GRM7: variants seen among roughly 807,000 people sequenced by gnomAD.
GRM7 encodes glutamate metabotropic receptor 7.
A neutral mutation model predicts 84.5 loss-of-function variants in GRM7; 35 were observed. The observed-to-expected ratio is 0.41, with a 90% confidence interval of 0.32 to 0.55. The LOEUF (loss-of-function observed/expected upper bound fraction) is 0.55. Among genes scored for constraint, GRM7 ranks in the 20% least tolerant of loss-of-function variants. The probability of loss-of-function intolerance (pLI) is 0.19; values close to 1 mark genes in which losing one functional copy is unlikely to be tolerated. For synonymous variants in GRM7, 487 were observed against 455.1 expected (o/e 1.07, Z -0.89); for missense variants, 1,003 against 1,194.6 (o/e 0.84, Z 2.36).
chr3:6,970,027 C>T (rs1057503386), intron 1 of GRM7, among the ~76,000 whole-genome samples: 2 of 152,164 alleles, frequency 1.3e-5, no homozygotes, highest in African/African-American at 4.8e-5. Context: ...ACATTTAACC[C>T]CACACACCAC....
At chr3:7,445,624 C>G (rs1018874006) in intron 5 of GRM7, among the ~76,000 whole-genome samples, 1 of 152,138 alleles carries the variant, frequency 6.6e-6, no homozygotes, top group Admixed American at 6.6e-5. Flanking sequence ...CCAGACCTGA[C>G]TTTGCTTCTA....
At chr3:7,392,037 G>A (rs181541985) in intron 4 of GRM7, among the ~76,000 whole-genome samples, 160 of 152,268 alleles carry the variant, frequency 1.1e-3, no homozygotes, top group African/African-American at 3.5e-3. Flanking sequence ...AGTAGCTGGT[G>A]CAGTTTCACG....
intron 8 of GRM7, among the ~76,000 whole-genome samples, chr3:7,623,737 T>C (rs1364915571): frequency 6.6e-6 from 1 of 152,154 alleles, no homozygotes; most frequent in Non-Finnish European, 1.5e-5. Flanking sequence ...CTTGCCAGCA[T>C]AATCAGATGT....
intron 9 of GRM7, among the ~76,000 whole-genome samples, chr3:7,709,332 A>G (rs573933821): frequency 6.6e-6 from 1 of 152,314 alleles, no homozygotes; most frequent in African/African-American, 2.4e-5. Context: ...GAAAAATGGC[A>G]TAGTTTGGAA....
chr3:7,528,279 A>C (rs1391238171), intron 7 of GRM7, among the ~76,000 whole-genome samples: 2 of 151,976 alleles, frequency 1.3e-5, no homozygotes, highest in Non-Finnish European at 2.9e-5. Flanking sequence ...GGAATTTATT[A>C]ATTTTCTCTA....
chr3:7,528,054 A>G (rs1700876685), intron 7 of GRM7, among the ~76,000 whole-genome samples: 1 of 151,808 alleles, frequency 6.6e-6, no homozygotes. Flanking sequence ...TAAGAGAGAA[A>G]TCCCTCCTCC....
intron 4 of GRM7, among the ~76,000 whole-genome samples, chr3:7,399,693 C>T (rs1459902964): frequency 6.6e-6 from 1 of 152,126 alleles, no homozygotes; most frequent in African/African-American, 2.4e-5. Flanking sequence ...TGAATTCTTG[C>T]TCCATTAGTT....
chr3:7,612,509 G>A (rs377696991), intron 8 of GRM7, among the ~76,000 whole-genome samples: 114 of 152,076 alleles, frequency 7.5e-4, no homozygotes, highest in Non-Finnish European at 1.5e-3. Context: ...ATGTTTAGGC[G>A]GATCAGGAAA....
intron 2 of GRM7, among the ~76,000 whole-genome samples, chr3:7,178,439 G>A (rs1695226188): frequency 6.6e-6 from 1 of 151,756 alleles, no homozygotes; most frequent in African/African-American, 2.4e-5. Context: ...TAAACACTTG[G>A]CATCCATGTA....
At chr3:6,943,915 CTAAA>C (rs1200585130) in intron 1 of GRM7, among the ~76,000 whole-genome samples, 1 of 152,064 alleles carries the variant, frequency 6.6e-6, no homozygotes, top group African/African-American at 2.4e-5. Context: ...CTTTTTATAT[CTAAA>C]TATTTTAAAT....
intron 1 of GRM7, among the ~76,000 whole-genome samples, chr3:7,109,889 CTCA>C (rs1692784777): frequency 1.3e-5 from 2 of 152,032 alleles, no homozygotes; most frequent in South Asian, 2.1e-4. Flanking sequence ...ATCCAATCTT[CTCA>C]TCTAGAGTTG....
At chr3:7,564,576 G>A (rs1439506748) in intron 7 of GRM7, among the ~76,000 whole-genome samples, 2 of 152,156 alleles carry the variant, frequency 1.3e-5, no homozygotes, top group Non-Finnish European at 2.9e-5. Context: ...GTTGAAGCTC[G>A]AGGGAGAGGA....
At chr3:7,253,682 G>C (rs78666926) in intron 2 of GRM7, among the ~76,000 whole-genome samples, 4,938 of 149,720 alleles carry the variant, frequency 0.033, 261 homozygotes, top group African/African-American at 0.11. Context: ...GGTACTATTT[G>C]TTTTCCCACC....
At chr3:7,654,064 C>G (rs1699074627) in intron 8 of GRM7, among the ~76,000 whole-genome samples, 1 of 148,952 alleles carries the variant, frequency 6.7e-6, no homozygotes. Flanking sequence ...TAGCTAATAG[C>G]TGTCCTACCT....
At chr3:6,897,497 T>C (rs778575397) in intron 1 of GRM7, among the ~76,000 whole-genome samples, 1 of 152,228 alleles carries the variant, frequency 6.6e-6, no homozygotes, top group African/African-American at 2.4e-5. Context: ...TAGAGTGACC[T>C]TGAGCAAGTT....
At chr3:7,507,857 C>T (rs1700083456) in intron 7 of GRM7, among the ~76,000 whole-genome samples, 1 of 152,140 alleles carries the variant, frequency 6.6e-6, no homozygotes, top group African/African-American at 2.4e-5. Context: ...TTAATGTGGT[C>T]TGAAAATATA....
At chr3:7,014,842 G>A (rs1439062244) in intron 1 of GRM7, among the ~76,000 whole-genome samples, 1 of 152,076 alleles carries the variant, frequency 6.6e-6, no homozygotes, top group East Asian at 1.9e-4. Flanking sequence ...GGTCGGGTGG[G>A]GACTTGGAGA....
chr3:7,699,563 T>A (rs1203466776), intron 9 of GRM7, among the ~76,000 whole-genome samples: 1 of 152,202 alleles, frequency 6.6e-6, no homozygotes, highest in Non-Finnish European at 1.5e-5. Flanking sequence ...TGTTGGTGAG[T>A]AGACAACACT....
chr3:7,506,888 T>C (rs531818619), intron 7 of GRM7, among the ~76,000 whole-genome samples: 4 of 152,282 alleles, frequency 2.6e-5, no homozygotes, highest in African/African-American at 7.2e-5. Flanking sequence ...AAGTTTCCAG[T>C]ACATGAGCTT....
Sources: allele counts gnomAD v4.1 joint callset (sites outside exome capture counted in the v4.1 genomes callset), GRCh38; gene constraint gnomAD v4.1.1; transcripts MANE v1.5; gene names NCBI Gene and HGNC (gene_info 2026-07-23, HGNC 2026-07-21).